The following NUDT13 variants were observed in gnomAD, a reference collection of about 807,000 sequenced individuals.
NUDT13 encodes nudix hydrolase 13, also known as NAD(P)H pyrophosphatase NUDT13, mitochondrial.
In NUDT13, 40 loss-of-function variants were observed where a neutral mutation model predicts 41.7. The observed-to-expected ratio is 0.96, with a 90% CI of 0.75 to 1.25. The LOEUF (loss-of-function observed/expected upper bound fraction) is 1.25, where lower values mean the gene tolerates loss of function less well. Ranked by LOEUF, NUDT13 falls within the 50% of genes most tolerant of loss-of-function variation. NUDT13 has a pLI of 0.00. For synonymous variants in NUDT13, 145 were observed against 155.5 expected (o/e 0.93, Z 0.50); for missense variants, 390 against 416.1 (o/e 0.94, Z 0.55).
chr10:73,113,014 A>G (rs1480494384), intron 1 of NUDT13, among the ~76,000 whole-genome samples: 2 of 152,066 alleles, frequency 1.3e-5, no homozygotes, highest in Non-Finnish European at 2.9e-5. Flanking sequence ...CAGCCTCCCA[A>G]GTAGGCAGGA....
In NUDT13 at chr10:73,120,001, T is replaced by C; in HGVS notation, c.84-17T>C. The C allele has an allele frequency of 6.2e-7, 1 of 1,607,858 alleles. No individual in the cohort carries two copies. Among genetic ancestry groups the C allele is most frequent in the Non-Finnish European group, 8.5e-7 (1 of 1,179,644 alleles). Reference sequence around the variant, plus strand: ...TAAGGGTGGTTTTGTAATGGTTTGATTATTTCCCAAATACAGGTATTTATT... The same window carrying C: ...TAAGGGTGGTTTTGTAATGGTTTGACTATTTCCCAAATACAGGTATTTATT... On this transcript the variant is annotated splice_polypyrimidine_tract_variant and intron_variant, in intron 2 of 8. Transcript: ENST00000357321.
At chr10:73,119,134 C>T (rs1842581242) in intron 2 of NUDT13, among the ~76,000 whole-genome samples, 1 of 151,792 alleles carries the variant, frequency 6.6e-6, no homozygotes, top group Admixed American at 6.6e-5. Flanking sequence ...CAACCTTCGC[C>T]TCCCAGGTTC....
chr10:73,125,677 A>ATATATATATATATATAT (rs1491142220), intron 7 of NUDT13, 168 bp downstream of exon 7: 8 of 167,204 alleles, frequency 4.8e-5, no homozygotes, highest in African/African-American at 1.8e-4. Flanking sequence ...ATATATATAT[A>ATATATATATATATATAT]AAATTTTTTC....
At chr10:73,116,243 A>C (rs1438399879) in intron 2 of NUDT13, among the ~76,000 whole-genome samples, 1 of 151,920 alleles carries the variant, frequency 6.6e-6, no homozygotes, top group Non-Finnish European at 1.5e-5. Context: ...TCCTGGGCTC[A>C]AGCAATCCTC....
intron 8 of NUDT13, chr10:73,130,461 T>TA (rs10539030): frequency 0.02 from 2,905 of 147,146 alleles, 78 homozygotes; most frequent in African/African-American, 0.066. Context: ...AGACTCCGTC[T>TA]AAAAAAAAAA....
Position 73,120,027 on chromosome 10 carries a change from T to A in NUDT13, c.93T>A (p.Phe31Leu). 6.2e-7 allele frequency: 1 copy of A among 1,614,206 alleles called. No homozygotes were observed. The highest frequency in any genetic ancestry group is 8.5e-7 in the Non-Finnish European group (1 of 1,180,022). Reference sequence around the variant, plus strand: ...TATTTCCCAAATACAGGTATTTATTTGAACTGAAGGAAGATGATGATGCAT... The same window carrying A: ...TATTTCCCAAATACAGGTATTTATTAGAACTGAAGGAAGATGATGATGCAT... Reference protein sequence around the residue: ...STYVTKTRYLFELKEDDDACK... With the variant: ...STYVTKTRYLLELKEDDDACK... Residue 31 changes from phenylalanine (F) to leucine (L), a missense_variant, in exon 3 of 9, where the codon TTT becomes TTA. Physicochemically the swap from Phe to Leu is conservative, Grantham distance 22. Coordinates refer to ENST00000357321, the MANE Select transcript of NUDT13 (RefSeq NM_015901.6).
chr10:73,112,959 C>G (rs1173762093), intron 1 of NUDT13, among the ~76,000 whole-genome samples: 1 of 152,146 alleles, frequency 6.6e-6, no homozygotes, highest in Non-Finnish European at 1.5e-5. Flanking sequence ...ACGATCTCTG[C>G]TCACTGCAAC....
intron 2 of NUDT13, among the ~76,000 whole-genome samples, chr10:73,116,011 C>CT (rs1259180141): frequency 6.7e-6 from 1 of 149,954 alleles, no homozygotes; most frequent in Non-Finnish European, 1.5e-5. Flanking sequence ...ATTTTTTTTT[C>CT]TTTTTTTTCT....
At chr10:73,126,563 A>G in intron 7 of NUDT13, 110 bp from the exon 8 acceptor site, 2 of 1,225,982 alleles carry the variant, frequency 1.6e-6, no homozygotes, top group East Asian at 4.7e-5. Context: ...CACTCCCAAG[A>G]GCATTTCATT....
rs1014403676 is a variant in NUDT13, at chr10:73,124,060, C to G, written c.359-154C>G. Among the ~76,000 whole-genome samples the G allele has an allele frequency of 7.4e-4, 112 of 151,714 alleles. 1 individual carries two copies. Among genetic ancestry groups the G allele is most frequent in the Non-Finnish European group, 1.9e-4 (13 of 68,018 alleles). On this transcript the variant is annotated intron_variant, in intron 4 of 8. Coordinates refer to ENST00000357321, the MANE Select transcript of NUDT13 (RefSeq NM_015901.6). ...CAAGCCATCCTCCTGCCTCAGTCTC[C>G]TGAGTAGCTGGGACTACAGGCACAC...
At chr10:73,115,418 C>A (rs1564648152) in intron 2 of NUDT13, among the ~76,000 whole-genome samples, 1 of 151,940 alleles carries the variant, frequency 6.6e-6, no homozygotes, top group Non-Finnish European at 1.5e-5. Flanking sequence ...TGGCAATCCA[C>A]CTGCCTTGAC....
chr10:73,110,975 G>A (rs1244234447), intron 1 of NUDT13, among the ~76,000 whole-genome samples: 2 of 152,106 alleles, frequency 1.3e-5, no homozygotes, highest in African/African-American at 2.4e-5. Flanking sequence ...CCACAGTCGT[G>A]GAGAAACGGA....
chr10:73,129,536 C>T (rs1425872831), intron 8 of NUDT13, among the ~76,000 whole-genome samples: 1 of 152,074 alleles, frequency 6.6e-6, no homozygotes, highest in Non-Finnish European at 1.5e-5. Context: ...TGGTCTCTGC[C>T]TGCCAAAGTT....
At chr10:73,123,488 C>T (rs947012080) in intron 4 of NUDT13, among the ~76,000 whole-genome samples, 6 of 151,954 alleles carry the variant, frequency 3.9e-5, no homozygotes, top group African/African-American at 1.2e-4. Flanking sequence ...GTTCTTGCCC[C>T]GAAGAAGATC....
chr10:73,116,842 T>C (rs1013291807), intron 2 of NUDT13, among the ~76,000 whole-genome samples: 1 of 151,698 alleles, frequency 6.6e-6, no homozygotes, highest in Non-Finnish European at 1.5e-5. Context: ...GTTGGACATT[T>C]AGATTGCGTG....
At chr10:73,111,961 A>G (rs1015568879) in intron 1 of NUDT13, among the ~76,000 whole-genome samples, 6 of 152,200 alleles carry the variant, frequency 3.9e-5, no homozygotes, top group Admixed American at 2.6e-4. Context: ...AACAAAATAA[A>G]AATTACAGGC....
chr10:73,112,896 CTTTTTT>C (rs111862060), intron 1 of NUDT13, among the ~76,000 whole-genome samples: 1 of 150,652 alleles, frequency 6.6e-6, no homozygotes, highest in Non-Finnish European at 1.5e-5. Context: ...TGTTCTTTTT[CTTTTTT>C]TTAAGACGAC....
At position 73,116,908 on chromosome 10, in the gene NUDT13, A is replaced by T. The variant is rs541931175; in HGVS notation, c.83+2460A>T. ...TTTTTTTTTTTTTTTTTTTTTTGAG[A>T]TGGAGTCTTGCTCTGTTGCCAGGCT... On this transcript the variant is annotated intron_variant, in intron 2 of 8. Transcript: ENST00000357321. Among the ~76,000 whole-genome samples, 200 of 65,568 alleles carry T rather than the reference A, an allele frequency of 3.1e-3. 1 individual carries two copies. Among genetic ancestry groups the T allele is most frequent in the Non-Finnish European group, 3.9e-3 (159 of 40,722 alleles). The allele number at this position is 65,568 out of a possible 152,430, so 43.0% of individuals were successfully genotyped here. A position where few individuals can be genotyped will look rare whatever the true frequency, so the allele number is the denominator to read the frequency against.
At chr10:73,112,004 C>G (rs1214195035) in intron 1 of NUDT13, among the ~76,000 whole-genome samples, 3 of 152,072 alleles carry the variant, frequency 2.0e-5, no homozygotes, top group African/African-American at 7.2e-5. Flanking sequence ...ATCCCACTCC[C>G]CCAAATTAGT....
Sources: allele counts gnomAD v4.1 joint callset (sites outside exome capture counted in the v4.1 genomes callset), GRCh38; gene constraint gnomAD v4.1.1; transcripts MANE v1.5; gene names NCBI Gene and HGNC (gene_info 2026-07-23, HGNC 2026-07-21).